The following TMC1 variants were observed in gnomAD, a reference collection of about 807,000 sequenced individuals.
TMC1 encodes transmembrane channel like 1.
A neutral mutation model predicts 105.8 loss-of-function variants in TMC1; 84 were observed. The ratio of observed to expected loss-of-function variants is 0.79; its 90% CI spans 0.67 to 0.95. The LOEUF (loss-of-function observed/expected upper bound fraction) is 0.95, where lower values mean the gene tolerates loss of function less well. Among genes scored for constraint, TMC1 ranks in the 40% least tolerant of loss-of-function variants. TMC1 has a pLI of 0.00. For missense variants in TMC1, 817 were observed against 914.1 expected (o/e 0.89, Z 1.37); for synonymous variants, 315 against 311.5 (o/e 1.01, Z -0.12).
At chr9:72,588,832 A>G (rs1489368415) in intron 2 of TMC1, among the ~76,000 whole-genome samples, 3 of 151,054 alleles carry the variant, frequency 2.0e-5, no homozygotes, top group Admixed American at 2.0e-4. Flanking sequence ...CTGGAGTGCA[A>G]TGGCGTGATC....
At chr9:72,610,926 A>C (rs1825014583) in intron 2 of TMC1, among the ~76,000 whole-genome samples, 1 of 152,236 alleles carries the variant, frequency 6.6e-6, no homozygotes, top group Non-Finnish European at 1.5e-5. Flanking sequence ...TAATTTTCTC[A>C]TCCAGAGTGG....
chr9:72,533,112 G>A (rs1402644948), intron 1 of TMC1, among the ~76,000 whole-genome samples: 3 of 152,238 alleles, frequency 2.0e-5, no homozygotes, highest in African/African-American at 7.2e-5. Flanking sequence ...CTCTTCCCTG[G>A]CCTTGGAGGG....
chr9:72,687,951 A>T (rs1826403880), intron 5 of TMC1, among the ~76,000 whole-genome samples: 1 of 152,178 alleles, frequency 6.6e-6, no homozygotes, highest in South Asian at 2.1e-4. Flanking sequence ...AAAAGAAAAA[A>T]ATATGCCAAT....
intron 5 of TMC1, among the ~76,000 whole-genome samples, chr9:72,650,012 G>T (rs145661351): frequency 9.5e-4 from 145 of 152,222 alleles, no homozygotes; most frequent in African/African-American, 3.2e-3. Flanking sequence ...TAACCTTATT[G>T]TGCTCACATA....
At chr9:72,772,298 G>T (rs1023727443) in intron 12 of TMC1, 115 bp from the exon 13 acceptor site, 1 of 1,329,532 alleles carries the variant, frequency 7.5e-7, no homozygotes, top group Non-Finnish European at 1.1e-6. Flanking sequence ...TCATGTCAGA[G>T]CTGTGACCCA....
At chr9:72,766,416 CAAAA>C (rs397894474) in intron 12 of TMC1, among the ~76,000 whole-genome samples, 4 of 68,618 alleles carry the variant, frequency 5.8e-5, no homozygotes, top group Admixed American at 1.7e-4. Context: ...GACTCTGTCT[CAAAA>C]AAAAAAAAAA....
At chr9:72,770,048 C>T (rs2118118512) in intron 12 of TMC1, among the ~76,000 whole-genome samples, 1 of 152,186 alleles carries the variant, frequency 6.6e-6, no homozygotes, top group East Asian at 1.9e-4. Flanking sequence ...AGATGTCATG[C>T]ACCTGGGAGC....
At chr9:72,760,280 A>G (rs1248229704) in intron 12 of TMC1, among the ~76,000 whole-genome samples, 2 of 152,176 alleles carry the variant, frequency 1.3e-5, no homozygotes, top group African/African-American at 2.4e-5. Context: ...GACTTCATAG[A>G]GGTGCTCACT....
chr9:72,647,322 A>G (rs7039594), intron 4 of TMC1, among the ~76,000 whole-genome samples: 35,275 of 151,378 alleles, frequency 0.23, 4,383 homozygotes, highest in East Asian at 0.38. Context: ...TCTTGTTTTC[A>G]TAATCTTCTG....
At position 72,742,519 on chromosome 9, in the gene TMC1, A is replaced by G. The variant is rs756028904; in HGVS notation, c.529A>G (p.Ile177Val). The G allele has an allele frequency of 1.2e-6, 2 of 1,613,800 alleles. No individual in the cohort carries two copies. Among genetic ancestry groups the G allele is most frequent in the Admixed American group, 3.3e-5 (2 of 60,022 alleles). ...CCCATGGGAAAATAAAATCAAGGCT[A>G]TTGAAAGTAAGTCCTTATCAGATCT... ...CVPWENKIKA[I>V]ESQFGSSVAS... is the part of the protein sequence containing the mutation. The change falls in exon 10 of 24, where the codon ATT becomes GTT. Residue 177 changes from isoleucine (I) to valine (V), a missense_variant. Transcript: ENST00000297784.
intron 5 of TMC1, among the ~76,000 whole-genome samples, chr9:72,658,996 T>A (rs953759950): frequency 1.3e-5 from 2 of 152,220 alleles, no homozygotes; most frequent in Non-Finnish European, 2.9e-5. Context: ...GCCCTTCTTC[T>A]AATATTTACT....
chr9:72,626,557 G>A (rs1157691917), intron 3 of TMC1, among the ~76,000 whole-genome samples: 1 of 152,160 alleles, frequency 6.6e-6, no homozygotes, highest in African/African-American at 2.4e-5. Context: ...CAGAGAAGGA[G>A]TGAATAAGGT....
chr9:72,570,679 T>TC (rs1824263509), intron 1 of TMC1, among the ~76,000 whole-genome samples: 2 of 43,598 alleles, frequency 4.6e-5, no homozygotes, highest in Non-Finnish European at 8.4e-5. Context: ...AAATTTCCTT[T>TC]TTTTTTTTTT....
intron 12 of TMC1, among the ~76,000 whole-genome samples, chr9:72,768,948 G>T (rs1018766654): frequency 6.6e-6 from 1 of 152,198 alleles, no homozygotes; most frequent in African/African-American, 2.4e-5. Context: ...CACCACCAGG[G>T]ACCAGTCTAG....
chr9:72,764,662 G>A lies in TMC1; in HGVS notation c.742-7751G>A, dbSNP rs182949493. Among the ~76,000 whole-genome samples, 825 of 152,234 alleles carry A rather than the reference G, an allele frequency of 5.4e-3. 4 individuals are homozygous for A. The highest frequency in any genetic ancestry group is 9.5e-3 in the Non-Finnish European group (646 of 68,004). ...ATTTTATTAAAATGGGTAGCAGAGA[G>A]CAGAAGAATAAAAAAAGTTGGTGTA... On this transcript the variant is annotated intron_variant, in intron 12 of 23. Coordinates refer to ENST00000297784, the MANE Select transcript of TMC1 (RefSeq NM_138691.3).
At chr9:72,761,805 C>T (rs1265863446) in intron 12 of TMC1, among the ~76,000 whole-genome samples, 1 of 152,192 alleles carries the variant, frequency 6.6e-6, no homozygotes, top group African/African-American at 2.4e-5. Flanking sequence ...TCAAACATAT[C>T]TCAGTTCTCT....
chr9:72,801,082 C>G (rs902493432), intron 17 of TMC1, among the ~76,000 whole-genome samples: 1 of 152,136 alleles, frequency 6.6e-6, no homozygotes, highest in African/African-American at 2.4e-5. Flanking sequence ...CATGGATACC[C>G]TCTGCTTTGA....
intron 3 of TMC1, among the ~76,000 whole-genome samples, chr9:72,617,966 AG>A (rs1273858215): frequency 7.0e-6 from 1 of 143,608 alleles, no homozygotes; most frequent in African/African-American, 2.6e-5. Flanking sequence ...TGATTTCTAG[AG>A]GGACAGAGGA....
intron 17 of TMC1, among the ~76,000 whole-genome samples, chr9:72,794,086 C>T (rs940767448): frequency 2.0e-5 from 3 of 152,108 alleles, no homozygotes; most frequent in African/African-American, 7.2e-5. Context: ...TACCCCCACC[C>T]CCCTCCTTGT....
Sources: allele counts gnomAD v4.1 joint callset (sites outside exome capture counted in the v4.1 genomes callset), GRCh38; gene constraint gnomAD v4.1.1; transcripts MANE v1.5; gene names NCBI Gene and HGNC (gene_info 2026-07-23, HGNC 2026-07-21).